SH3GL3: variants seen among roughly 807,000 people sequenced by gnomAD.
The protein encoded by SH3GL3 is endophilin-A3.
In SH3GL3, 33 loss-of-function variants were observed where a neutral mutation model predicts 47.7. That is an observed-to-expected ratio of 0.69 (90% CI 0.52 to 0.92). SH3GL3 has a LOEUF of 0.92. Among genes scored for constraint, SH3GL3 ranks in the 40% least tolerant of loss-of-function variants. The probability of loss-of-function intolerance (pLI) is 0.00; values close to 1 mark genes in which losing one functional copy is unlikely to be tolerated. For synonymous variants in SH3GL3, 155 were observed against 148.8 expected (o/e 1.04, Z -0.30); for missense variants, 363 against 417.8 (o/e 0.87, Z 1.14).
chr15:83,626,078 C>T, the SH3GL3 span, among the ~76,000 whole-genome samples: 2 of 152,192 alleles, frequency 1.3e-5, no homozygotes, highest in East Asian at 1.9e-4. Context: ...GTGATCTGCC[C>T]GTGTTGGCCT....
intron 1 of SH3GL3, among the ~76,000 whole-genome samples, chr15:83,495,297 C>T (rs564576237): frequency 6.6e-6 from 1 of 152,302 alleles, no homozygotes; most frequent in Non-Finnish European, 1.5e-5. Context: ...CTTTCATACC[C>T]TCTGAGGGCC....
intron 1 of SH3GL3, among the ~76,000 whole-genome samples, chr15:83,492,832 G>T (rs2041930597): frequency 6.6e-6 from 1 of 152,176 alleles, no homozygotes; most frequent in Non-Finnish European, 1.5e-5. Context: ...CTTTGTTGGT[G>T]GTCCTCCCAC....
At chr15:83,450,749 G>T (rs1595993621) in intron 1 of SH3GL3, among the ~76,000 whole-genome samples, 3 of 107,612 alleles carry the variant, frequency 2.8e-5, no homozygotes, top group African/African-American at 6.7e-5. Flanking sequence ...TATTAAAATG[G>T]GATATTTTTC....
chr15:83,584,084 A>G (rs1437569818), intron 6 of SH3GL3, among the ~76,000 whole-genome samples: 1 of 152,168 alleles, frequency 6.6e-6, no homozygotes, highest in Non-Finnish European at 1.5e-5. Context: ...CCTAAAATCA[A>G]GGTGTGGGTA....
At chr15:83,565,097 T>G (rs765615934) in intron 2 of SH3GL3, 37 bp from the exon 3 acceptor site, 2 of 880,200 alleles carry the variant, frequency 2.3e-6, no homozygotes, top group African/African-American at 3.4e-5. Context: ...TTATTGAGTT[T>G]GTCATTTACT....
chr15:83,502,524 A>G (rs1362705015), intron 1 of SH3GL3, among the ~76,000 whole-genome samples: 1 of 152,218 alleles, frequency 6.6e-6, no homozygotes, highest in Non-Finnish European at 1.5e-5. Flanking sequence ...GTGTGAATGA[A>G]TAAATGGATG....
At chr15:83,497,626 T>C (rs2042133550) in intron 1 of SH3GL3, among the ~76,000 whole-genome samples, 1 of 152,182 alleles carries the variant, frequency 6.6e-6, no homozygotes, top group Admixed American at 6.5e-5. Flanking sequence ...CTCTCTCCCC[T>C]TAGGCCTCCC....
intron 1 of SH3GL3, among the ~76,000 whole-genome samples, chr15:83,533,540 A>G (rs1403655567): frequency 2.0e-5 from 3 of 152,200 alleles, no homozygotes; most frequent in Non-Finnish European, 4.4e-5. Flanking sequence ...TAAATCATAT[A>G]ACAGTTTCTG....
the SH3GL3 span, among the ~76,000 whole-genome samples, chr15:83,625,477 T>C: frequency 3.3e-5 from 5 of 152,310 alleles, no homozygotes; most frequent in East Asian, 5.8e-4. Flanking sequence ...CCACAGCTAA[T>C]TGGACCAAGG....
At chr15:83,565,065 C>T in intron 2 of SH3GL3, 69 bp from the exon 3 acceptor site, 1 of 638,724 alleles carries the variant, frequency 1.6e-6, no homozygotes. Context: ...AAAATTCCTC[C>T]TCTATTTGCT....
the SH3GL3 span, among the ~76,000 whole-genome samples, chr15:83,632,169 A>T: frequency 6.6e-6 from 1 of 152,238 alleles, no homozygotes. Context: ...TTCATTGTCC[A>T]TATCACTATC....
At chr15:83,560,116 A>AC (rs1027919702) in intron 2 of SH3GL3, among the ~76,000 whole-genome samples, 3 of 151,772 alleles carry the variant, frequency 2.0e-5, no homozygotes, top group Non-Finnish European at 4.4e-5. Flanking sequence ...TAATAATTAG[A>AC]CCCCCCACCC....
At chr15:83,595,483 G>A (rs2060213420) in intron 8 of SH3GL3, among the ~76,000 whole-genome samples, 1 of 150,026 alleles carries the variant, frequency 6.7e-6, no homozygotes, top group Non-Finnish European at 1.5e-5. Context: ...AAAAACCTGT[G>A]CATGTACCCC....
intron 1 of SH3GL3, among the ~76,000 whole-genome samples, chr15:83,511,802 C>A (rs1319997275): frequency 6.6e-6 from 1 of 152,182 alleles, no homozygotes; most frequent in Admixed American, 6.5e-5. Context: ...GGAAGCCACA[C>A]CCTTGACATT....
chr15:83,463,270 T>C (rs2040394970), intron 1 of SH3GL3, among the ~76,000 whole-genome samples: 1 of 152,210 alleles, frequency 6.6e-6, no homozygotes, highest in African/African-American at 2.4e-5. Flanking sequence ...GCAATTCAGA[T>C]AAGATGCTCT....
intron 2 of SH3GL3, among the ~76,000 whole-genome samples, chr15:83,562,405 G>A (rs544362162): frequency 4.7e-4 from 72 of 152,186 alleles, no homozygotes; most frequent in Admixed American, 2.2e-3. Context: ...TCATCTTTCA[G>A]AGATGACTCT....
intron 1 of SH3GL3, chr15:83,487,922 C>G (rs1306507611): frequency 6.8e-6 from 1 of 146,460 alleles, no homozygotes; most frequent in Admixed American, 6.9e-5. Flanking sequence ...TGTCGCCTGG[C>G]TGGAGTGCAG....
intron 8 of SH3GL3, among the ~76,000 whole-genome samples, chr15:83,617,732 G>C (rs2060863838): frequency 6.6e-6 from 1 of 152,156 alleles, no homozygotes; most frequent in African/African-American, 2.4e-5. Context: ...TCCCCACAAA[G>C]AAACTGTAAG....
At chr15:83,547,037 C>G (rs1302929389) in intron 1 of SH3GL3, among the ~76,000 whole-genome samples, 2 of 152,128 alleles carry the variant, frequency 1.3e-5, no homozygotes, top group Non-Finnish European at 2.9e-5. Context: ...GCTGGTGTAT[C>G]CCTGGAAAGT....
Sources: gnomAD v4.1 joint callset for allele counts (sites outside exome capture counted in the v4.1 genomes callset) on GRCh38, gnomAD v4.1.1 for gene constraint, MANE v1.5 for transcripts, NCBI Gene and HGNC (gene_info 2026-07-23, HGNC 2026-07-21) for gene names.